PFKFB3: variants seen among roughly 807,000 people sequenced by gnomAD.
PFKFB3 encodes the protein 6-phosphofructo-2-kinase/fructose-2,6-biphosphatase 3.
PFKFB3 carries 33 observed loss-of-function variants against 68.0 expected under a neutral mutation model. That is an observed-to-expected ratio of 0.49 (90% confidence interval 0.37 to 0.65). PFKFB3 has a LOEUF of 0.65. Ranked by LOEUF, PFKFB3 falls within the 30% of genes least tolerant of loss-of-function variation. The probability of loss-of-function intolerance (pLI) is 0.00; values close to 1 mark genes in which losing one functional copy is unlikely to be tolerated. For missense variants in PFKFB3, 586 were observed against 712.2 expected (o/e 0.82, Z 2.02); for synonymous variants, 315 against 288.2 (o/e 1.09, Z -0.94).
rs35447462 is a variant in PFKFB3, at chr10:6,208,371, C to CTT, written c.76+5056_76+5057dup. On this transcript the variant is annotated intron_variant, in intron 1 of 14. Coordinates refer to ENST00000379775, the MANE Select transcript of PFKFB3 (RefSeq NM_004566.4). ...ACAGGTGTAAGCCAGGGTACCTGGC[C>CTT]TTTTTTTTTTTTTTTTTTTTTTGCC... Among the ~76,000 whole-genome samples the CTT allele has an allele frequency of 5.2e-3, 313 of 60,618 alleles. 8 individuals carry two copies. The highest frequency in any genetic ancestry group is 0.015 in the Middle Eastern group (1 of 68). 39.8% of individuals were successfully genotyped at this position (60,618 alleles called of 152,430 possible). A position where few individuals can be genotyped will look rare whatever the true frequency, so the allele number is the denominator to read the frequency against.
chr10:6,267,148 C>T, the PFKFB3 span, among the ~76,000 whole-genome samples: 3 of 152,192 alleles, frequency 2.0e-5, no homozygotes, highest in African/African-American at 4.8e-5. Context: ...CAAACATAAG[C>T]GCATTTAACT....
At chr10:6,278,138 G>A in the PFKFB3 span, among the ~76,000 whole-genome samples, 10 of 151,872 alleles carry the variant, frequency 6.6e-5, no homozygotes, top group East Asian at 1.9e-4. Flanking sequence ...GGATGGTCTC[G>A]ATCTCTTGAC....
chr10:6,258,846 C>A (rs1308920964), downstream of PFKFB3, among the ~76,000 whole-genome samples: 1 of 152,182 alleles, frequency 6.6e-6, no homozygotes, highest in East Asian at 1.9e-4. Context: ...TGACATAATT[C>A]TTTCCCCTGG....
At chr10:6,182,600 G>A (rs748810540) in intron 1 of PFKFB3, among the ~76,000 whole-genome samples, 6 of 152,302 alleles carry the variant, frequency 3.9e-5, no homozygotes, top group Non-Finnish European at 5.9e-5. Context: ...AGTAGGTCCC[G>A]AGCGGGAGTG....
chr10:6,289,608 C>A, the PFKFB3 span, among the ~76,000 whole-genome samples: 4 of 150,786 alleles, frequency 2.7e-5, no homozygotes, highest in Admixed American at 1.3e-4. Context: ...GTTACTGTAG[C>A]CTTGTAGTAT....
intron 1 of PFKFB3, among the ~76,000 whole-genome samples, chr10:6,172,502 G>A (rs558859485): frequency 6.6e-6 from 1 of 152,338 alleles, no homozygotes; most frequent in East Asian, 1.9e-4. Context: ...CACAGGGCCA[G>A]TATTCTTTTT....
At chr10:6,237,201 G>A (rs905255769), downstream of PFKFB3, among the ~76,000 whole-genome samples, 2 of 152,204 alleles carry the variant, frequency 1.3e-5, no homozygotes, top group Non-Finnish European at 2.9e-5. Context: ...CCCGTCTCCC[G>A]AGTCCCTGCA....
the PFKFB3 span, among the ~76,000 whole-genome samples, chr10:6,288,249 A>G: frequency 1.3e-5 from 2 of 149,236 alleles, no homozygotes; most frequent in African/African-American, 5.0e-5. Context: ...CATGTGCACA[A>G]TGTGCAGGTT....
intron 1 of PFKFB3, among the ~76,000 whole-genome samples, chr10:6,179,209 C>T (rs532554691): frequency 5.3e-5 from 8 of 152,142 alleles, no homozygotes; most frequent in Non-Finnish European, 1.2e-4. Context: ...GTTATTGGTC[C>T]GAGGTCACAC....
chr10:6,274,659 C>T, the PFKFB3 span, among the ~76,000 whole-genome samples: 1 of 151,878 alleles, frequency 6.6e-6, no homozygotes, highest in African/African-American at 2.4e-5. Context: ...CTAGCCAGGG[C>T]AACATAGTGA....
chr10:6,194,877 C>CT (rs113217222), intron 1 of PFKFB3, among the ~76,000 whole-genome samples: 37,896 of 144,084 alleles, frequency 0.26, 6,147 homozygotes, highest in East Asian at 0.52. Context: ...TTTCTTTTTT[C>CT]TTTTTTTTTT....
intron 10 of PFKFB3, among the ~76,000 whole-genome samples, chr10:6,222,310 A>C (rs528928814): frequency 6.6e-6 from 1 of 152,374 alleles, no homozygotes; most frequent in African/African-American, 2.4e-5. Context: ...TTCTAAAGTC[A>C]CAGCCCTCCT....
At chr10:6,198,158 A>G (rs1024313202), upstream of PFKFB3, among the ~76,000 whole-genome samples, 6 of 151,950 alleles carry the variant, frequency 3.9e-5, no homozygotes, top group African/African-American at 1.5e-4. Context: ...AGGCAGGAGA[A>G]TCGCTTGAAC....
chr10:6,207,426 G>GGGGAGA (rs369748729), intron 1 of PFKFB3, among the ~76,000 whole-genome samples: 12 of 152,258 alleles, frequency 7.9e-5, no homozygotes, highest in East Asian at 1.9e-4. Flanking sequence ...GGGAGACCGT[G>GGGGAGA]GGGAGAGGGA....
rs144571316 is a variant in PFKFB3, at chr10:6,212,004, A to G, written c.77-1619A>G. Among the ~76,000 whole-genome samples the G allele has an allele frequency of 3.3e-3, 505 of 152,242 alleles. 4 individuals carry two copies. Among genetic ancestry groups the G allele is most frequent in the African/African-American group, 0.011 (448 of 41,544 alleles). ...TCTTTCCTGAGCTGCGGCCCGTCTGAGGGGTGGTGGCTCCCGCAGCATAAG... is the reference window on the plus strand; with the variant it reads ...TCTTTCCTGAGCTGCGGCCCGTCTGGGGGGTGGTGGCTCCCGCAGCATAAG... On this transcript the variant is annotated intron_variant, in intron 1 of 14. Coordinates refer to ENST00000379775, the MANE Select transcript of PFKFB3 (RefSeq NM_004566.4).
At chr10:6,319,205 G>A in the PFKFB3 span, among the ~76,000 whole-genome samples, 1 of 152,188 alleles carries the variant, frequency 6.6e-6, no homozygotes, top group Non-Finnish European at 1.5e-5. Flanking sequence ...AGAGATACCT[G>A]CACTCCTATG....
rs199774036 is a variant in PFKFB3, at chr10:6,228,691, T to TG, written c.1515+2329dup. ...TGTAAACCAAACCTATGGGGAATAG[T>TG]GGGAGTGTGGTGGGGCCTGAGCTCT... On this transcript the variant is annotated intron_variant, in intron 14 of 14. Transcript: ENST00000379775. The surrounding 1 kb of genome is among the most constrained non-coding windows in gnomAD (Gnocchi z 4.5). Among the ~76,000 whole-genome samples the TG allele has an allele frequency of 1.0e-3, 74 of 74,284 alleles. No homozygotes were observed. The highest frequency in any genetic ancestry group is 2.7e-3 in the Non-Finnish European group (67 of 24,786). The allele number at this position is 74,284 out of a possible 152,430, so 48.7% of individuals were successfully genotyped here.
chr10:6,198,274 A>G (rs1287319648), upstream of PFKFB3, among the ~76,000 whole-genome samples: 1 of 151,936 alleles, frequency 6.6e-6, no homozygotes, highest in Non-Finnish European at 1.5e-5. Flanking sequence ...AAAAGAAAAG[A>G]AAAGAAAAGG....
chr10:6,146,793 C>CAGGACA (rs1841403142), intron 1 of PFKFB3, among the ~76,000 whole-genome samples: 2 of 152,242 alleles, frequency 1.3e-5, no homozygotes, highest in South Asian at 4.1e-4. Flanking sequence ...TTAGATCACA[C>CAGGACA]AGGACAAAAC....
Sources: allele counts gnomAD v4.1 joint callset (sites outside exome capture counted in the v4.1 genomes callset), GRCh38; gene constraint gnomAD v4.1.1; non-coding constraint Gnocchi (gnomAD v3.1); transcripts MANE v1.5; gene names NCBI Gene and HGNC (gene_info 2026-07-23, HGNC 2026-07-21).